The following ASAP1 variants were observed in gnomAD, a reference collection of about 807,000 sequenced individuals.
ASAP1 encodes the protein arf-GAP with SH3 domain, ANK repeat and PH domain-containing protein 1.
In ASAP1, 43 loss-of-function variants were observed where a neutral mutation model predicts 145.2. That is an observed-to-expected ratio of 0.30 (90% CI 0.23 to 0.38). The LOEUF (loss-of-function observed/expected upper bound fraction) is 0.38, where lower values mean the gene tolerates loss of function less well. Ranked by LOEUF, ASAP1 falls within the 10% of genes least tolerant of loss-of-function variation. The pLI, the probability that ASAP1 is intolerant of heterozygous loss-of-function variation, is 1.00. For missense variants in ASAP1, 1,018 were observed against 1,355.3 expected (o/e 0.75, Z 3.91); for synonymous variants, 546 against 515.5 (o/e 1.06, Z -0.80).
At chr8:130,101,732 A>ATTTTTTTTTCTTTTTTT (rs2097529120) in intron 24 of ASAP1, among the ~76,000 whole-genome samples, 1 of 86,968 alleles carries the variant, frequency 1.1e-5, no homozygotes, top group Non-Finnish European at 2.0e-5. Flanking sequence ...CACCTGGTTA[A>ATTTTTTTTTCTTTTTTT]TTTTTTTTTT....
chr8:130,399,773 T>C (rs1828693269), intron 2 of ASAP1, among the ~76,000 whole-genome samples: 1 of 152,114 alleles, frequency 6.6e-6, no homozygotes, highest in Admixed American at 6.6e-5. Flanking sequence ...TTACCCCTTT[T>C]TCATGGATAA....
chr8:130,311,936 T>A (rs1823381494), intron 3 of ASAP1, among the ~76,000 whole-genome samples: 1 of 152,094 alleles, frequency 6.6e-6, no homozygotes, highest in Non-Finnish European at 1.5e-5. Context: ...AATGATTTAT[T>A]AATTGTACTC....
At chr8:130,442,289 C>A (rs995463780) in intron 1 of ASAP1, among the ~76,000 whole-genome samples, 5 of 152,160 alleles carry the variant, frequency 3.3e-5, no homozygotes, top group Non-Finnish European at 7.3e-5. Context: ...GAAGTGGAAA[C>A]TACTCCTGGC....
Position 130,144,201 on chromosome 8 carries a change from T to C in ASAP1, c.1081-7163A>G, listed in dbSNP as rs972299477. On this transcript the variant is annotated intron_variant, in intron 13 of 29. Transcript: ENST00000518721. ...CGTGGTAAGAAATTAAGGTACATGC[T>C]GAACACTTACCACTGCAGAGAGATC... Among the ~76,000 whole-genome samples, 15 of 152,348 alleles carry C rather than the reference T, an allele frequency of 9.8e-5. 1 individual carries two copies. Among genetic ancestry groups the C allele is most frequent in the Middle Eastern group, 3.4e-3 (1 of 294 alleles).
At chr8:130,316,347 C>G (rs1413950182) in intron 3 of ASAP1, among the ~76,000 whole-genome samples, 1 of 152,206 alleles carries the variant, frequency 6.6e-6, no homozygotes, top group Non-Finnish European at 1.5e-5. Context: ...CTCCTCACTT[C>G]ACTAAGCTTT....
chr8:130,080,685 T>C (rs900698462), intron 25 of ASAP1, among the ~76,000 whole-genome samples: 1 of 151,768 alleles, frequency 6.6e-6, no homozygotes, highest in African/African-American at 2.4e-5. Flanking sequence ...TAGACTGGAG[T>C]GTAGTGGTGC....
intron 3 of ASAP1, among the ~76,000 whole-genome samples, chr8:130,258,874 C>G (rs1819726429): frequency 6.6e-6 from 1 of 152,166 alleles, no homozygotes; most frequent in Admixed American, 6.5e-5. Context: ...TGGAAATGTC[C>G]TTGTTTCGAT....
At chr8:130,067,286 C>G (rs2097432750) in intron 27 of ASAP1, among the ~76,000 whole-genome samples, 1 of 152,166 alleles carries the variant, frequency 6.6e-6, no homozygotes, top group Non-Finnish European at 1.5e-5. Context: ...GTGGTGGTCA[C>G]ATCTACATGT....
chr8:130,244,084 A>T (rs1483656315), intron 3 of ASAP1, among the ~76,000 whole-genome samples: 1 of 152,162 alleles, frequency 6.6e-6, no homozygotes, highest in East Asian at 1.9e-4. Context: ...TGGAGGGCCG[A>T]ATCAAGGGTG....
chr8:130,251,722 G>A (rs141912441), intron 3 of ASAP1, among the ~76,000 whole-genome samples: 2,743 of 152,158 alleles, frequency 0.018, 55 homozygotes, highest in Non-Finnish European at 0.023. Flanking sequence ...AGACCCAGAA[G>A]AACAGAGGGA....
chr8:130,257,060 A>G (rs184473133), intron 3 of ASAP1, among the ~76,000 whole-genome samples: 36 of 152,106 alleles, frequency 2.4e-4, no homozygotes, highest in Admixed American at 2.2e-3. Flanking sequence ...TAATTTTATA[A>G]AAACTAATGT....
chr8:130,189,715 TTC>T (rs774693495), intron 5 of ASAP1, among the ~76,000 whole-genome samples: 7 of 152,216 alleles, frequency 4.6e-5, no homozygotes, highest in Non-Finnish European at 1.5e-5. Flanking sequence ...CTTTTTAGTT[TTC>T]TGAGGAGCCT....
At chr8:130,297,349 C>A (rs987731233) in intron 3 of ASAP1, among the ~76,000 whole-genome samples, 1 of 152,162 alleles carries the variant, frequency 6.6e-6, no homozygotes, top group Non-Finnish European at 1.5e-5. Flanking sequence ...GGTTTTGCAT[C>A]CTGCAAATAC....
intron 3 of ASAP1, among the ~76,000 whole-genome samples, chr8:130,293,643 C>T (rs901235998): frequency 3.9e-5 from 6 of 152,142 alleles, no homozygotes; most frequent in Admixed American, 3.3e-4. Context: ...TCCAAATCAG[C>T]TTTGCACACT....
intron 24 of ASAP1, among the ~76,000 whole-genome samples, chr8:130,093,365 C>T (rs115248554): frequency 0.015 from 2,289 of 151,968 alleles, 32 homozygotes; most frequent in African/African-American, 0.039. Flanking sequence ...CTTCTGTAAA[C>T]GTTAAGAAAA....
chr8:130,382,793 T>C (rs2138406137), intron 2 of ASAP1, among the ~76,000 whole-genome samples: 1 of 150,376 alleles, frequency 6.6e-6, no homozygotes, highest in East Asian at 2.0e-4. Flanking sequence ...TGCAGTGAGC[T>C]GAGATTGCGC....
At chr8:130,186,145 T>C (rs1424894754) in intron 7 of ASAP1, among the ~76,000 whole-genome samples, 1 of 152,136 alleles carries the variant, frequency 6.6e-6, no homozygotes, top group African/African-American at 2.4e-5. Context: ...ACAAGTTGAG[T>C]ACTCATGACC....
intron 3 of ASAP1, among the ~76,000 whole-genome samples, chr8:130,343,118 G>A (rs760840849): frequency 2.0e-5 from 3 of 152,164 alleles, no homozygotes; most frequent in Non-Finnish European, 4.4e-5. Flanking sequence ...CTAGAAGCTG[G>A]CCATGTCTGG....
intron 1 of ASAP1, among the ~76,000 whole-genome samples, chr8:130,423,677 A>C (rs1829806499): frequency 6.6e-6 from 1 of 152,244 alleles, no homozygotes; most frequent in Non-Finnish European, 1.5e-5. Flanking sequence ...AGAATGTGTA[A>C]GATGTCACTG....
Sources: allele counts gnomAD v4.1 joint callset (sites outside exome capture counted in the v4.1 genomes callset), GRCh38; gene constraint gnomAD v4.1.1; transcripts MANE v1.5; gene names NCBI Gene and HGNC (gene_info 2026-07-23, HGNC 2026-07-21).